Variants in MND1 observed in about 807,000 individuals in gnomAD.
MND1 encodes the protein meiotic nuclear division protein 1 homolog.
Under a neutral mutation model 35.1 loss-of-function variants are expected in MND1, and 28 were observed. That is an observed-to-expected ratio of 0.80 (90% CI 0.59 to 1.09). The LOEUF is 1.09. MND1 is among the 50% of genes least tolerant of loss of function. The pLI, the probability that MND1 is intolerant of heterozygous loss-of-function variation, is 0.00. For missense variants in MND1, 213 were observed against 239.6 expected, an observed-to-expected ratio of 0.89 and a Z score of 0.73; for synonymous variants, 69 against 70.5, an observed-to-expected ratio of 0.98 and a Z score of 0.11.
chr4:153,376,319 G>A (rs149892887), intron 4 of MND1, among the ~76,000 whole-genome samples: 1 of 152,240 alleles, frequency 6.6e-6, no homozygotes, highest in Non-Finnish European at 1.5e-5. Context: ...ACACTTGAAA[G>A]AGAAAAGGAG....
chr4:153,379,004 G>C (rs1014334856), intron 4 of MND1, among the ~76,000 whole-genome samples: 1 of 152,098 alleles, frequency 6.6e-6, no homozygotes, highest in Non-Finnish European at 1.5e-5. Flanking sequence ...AACCACAAAA[G>C]CGGGCTGCGC....
intron 4 of MND1, among the ~76,000 whole-genome samples, chr4:153,362,044 T>C (rs950400359): frequency 1.3e-4 from 20 of 152,224 alleles, no homozygotes; most frequent in African/African-American, 4.1e-4. Context: ...TACAGTTCTT[T>C]CCATAACTAT....
chr4:153,408,509 A>T (rs1193645169), intron 6 of MND1, among the ~76,000 whole-genome samples: 1 of 152,120 alleles, frequency 6.6e-6, no homozygotes, highest in African/African-American at 2.4e-5. Flanking sequence ...CCGCTATGAG[A>T]TTACTTTCTT....
At chr4:153,393,338 T>A (rs1048598251) in intron 4 of MND1, among the ~76,000 whole-genome samples, 1 of 151,660 alleles carries the variant, frequency 6.6e-6, no homozygotes, top group Non-Finnish European at 1.5e-5. Flanking sequence ...ATATAAAAGA[T>A]TTTTTTGGAT....
intron 4 of MND1, among the ~76,000 whole-genome samples, chr4:153,375,913 A>G (rs1450305957): frequency 6.6e-6 from 1 of 152,198 alleles, no homozygotes; most frequent in Non-Finnish European, 1.5e-5. Flanking sequence ...TAGCTGTGAC[A>G]CAGATGCATT....
At chr4:153,377,742 C>T (rs1418667832) in intron 4 of MND1, among the ~76,000 whole-genome samples, 1 of 152,120 alleles carries the variant, frequency 6.6e-6, no homozygotes, top group African/African-American at 2.4e-5. Flanking sequence ...GGCACTATAG[C>T]GCAGTGATTT....
At chr4:153,409,890 A>T (rs1241345220) in intron 7 of MND1, among the ~76,000 whole-genome samples, 1 of 152,210 alleles carries the variant, frequency 6.6e-6, no homozygotes, top group African/African-American at 2.4e-5. Flanking sequence ...CACAAAGTAT[A>T]AATAAATGTG....
At chr4:153,350,562 C>T (rs971601117) in intron 2 of MND1, among the ~76,000 whole-genome samples, 1 of 152,162 alleles carries the variant, frequency 6.6e-6, no homozygotes, top group Non-Finnish European at 1.5e-5. Flanking sequence ...CATTTTAAGT[C>T]TGTCTATAGT....
intron 4 of MND1, 104 bp from the exon 5 acceptor site, chr4:153,394,158 G>T: frequency 1.1e-6 from 1 of 905,372 alleles, no homozygotes. Context: ...GGCCTGGGGC[G>T]AGTGCTGGGG....
In MND1 at chr4:153,411,071, A is replaced by T. The variant is rs1338067436; in HGVS notation, c.511+2056A>T. On this transcript the variant is annotated intron_variant, in intron 7 of 7. Coordinates refer to ENST00000240488, the MANE Select transcript of MND1 (RefSeq NM_032117.4). ...CAATTCAGTATCTCAGTTCTATAGG[A>T]TGAGATTACCTCAGAGTCTAAGTAT... Among the ~76,000 whole-genome samples, 15 of 152,242 alleles carry T rather than the reference A, an allele frequency of 9.9e-5. 1 individual carries two copies. The highest frequency in any genetic ancestry group is 9.8e-4 in the Admixed American group (15 of 15,276).
intron 5 of MND1, among the ~76,000 whole-genome samples, chr4:153,396,016 C>T (rs1313834139): frequency 6.6e-6 from 1 of 152,150 alleles, no homozygotes; most frequent in Admixed American, 6.5e-5. Flanking sequence ...GGCACCACCA[C>T]ACTTGGTGAC....
chr4:153,344,990 G>A (rs1004398206), intron 1 of MND1, among the ~76,000 whole-genome samples: 1 of 152,166 alleles, frequency 6.6e-6, no homozygotes, highest in African/African-American at 2.4e-5. Flanking sequence ...CCTCCCCGCC[G>A]GCTGCACCCC....
intron 4 of MND1, among the ~76,000 whole-genome samples, chr4:153,367,154 A>T (rs1459293117): frequency 6.6e-6 from 1 of 152,202 alleles, no homozygotes; most frequent in Non-Finnish European, 1.5e-5. Flanking sequence ...TATAGTTTAT[A>T]TACCATATAA....
intron 4 of MND1, among the ~76,000 whole-genome samples, chr4:153,358,875 A>G (rs114606585): frequency 0.012 from 1,851 of 152,136 alleles, 38 homozygotes; most frequent in African/African-American, 0.042. Flanking sequence ...CTCTTTATCA[A>G]TAGATGGTTT....
intron 4 of MND1, among the ~76,000 whole-genome samples, chr4:153,369,741 G>A (rs956285965): frequency 6.6e-6 from 1 of 151,214 alleles, no homozygotes; most frequent in African/African-American, 2.4e-5. Context: ...TAAGACAACC[G>A]TGAAGTTTGC....
intron 4 of MND1, among the ~76,000 whole-genome samples, chr4:153,387,065 A>G (rs1160395714): frequency 1.3e-5 from 2 of 152,238 alleles, no homozygotes; most frequent in Non-Finnish European, 2.9e-5. Flanking sequence ...TTAAAATACT[A>G]GTTATATATG....
chr4:153,405,971 T>A (rs1310218063), intron 6 of MND1, among the ~76,000 whole-genome samples: 2 of 151,896 alleles, frequency 1.3e-5, no homozygotes, highest in Non-Finnish European at 2.9e-5. Flanking sequence ...GCCAGGCTAA[T>A]TTTTTACATT....
intron 6 of MND1, among the ~76,000 whole-genome samples, chr4:153,398,998 GCA>G (rs1292122455): frequency 3.9e-5 from 6 of 152,288 alleles, no homozygotes; most frequent in Admixed American, 3.3e-4. Flanking sequence ...AGAACTTCAA[GCA>G]CAGTTTTCTT....
chr4:153,412,717 A>G (rs1729719333), intron 7 of MND1, among the ~76,000 whole-genome samples: 1 of 149,442 alleles, frequency 6.7e-6, no homozygotes, highest in Non-Finnish European at 1.5e-5. Flanking sequence ...CGAACTCCTG[A>G]CCTCAGGCAA....
Sources: allele counts gnomAD v4.1 joint callset (sites outside exome capture counted in the v4.1 genomes callset), GRCh38; gene constraint gnomAD v4.1.1; transcripts MANE v1.5; gene names NCBI Gene and HGNC (gene_info 2026-07-23, HGNC 2026-07-21).